CDH13: variants seen among roughly 807,000 people sequenced by gnomAD.
The protein encoded by CDH13 is cadherin 13.
CDH13 carries 24 observed loss-of-function variants against 63.8 expected under a neutral mutation model. That is an observed-to-expected ratio of 0.38 (90% CI 0.27 to 0.53). The LOEUF (loss-of-function observed/expected upper bound fraction) is 0.53. Among genes scored for constraint, CDH13 ranks in the 20% least tolerant of loss-of-function variants. CDH13 has a pLI of 0.85. For synonymous variants in CDH13, 503 were observed against 355.3 expected, an observed-to-expected ratio of 1.42 and a Z score of -4.67; for missense variants, 1,049 against 903.1, an observed-to-expected ratio of 1.16 and a Z score of -2.07.
intron 10 of CDH13, among the ~76,000 whole-genome samples, chr16:83,687,870 T>C (rs1034887246): frequency 6.6e-6 from 1 of 152,214 alleles, no homozygotes; most frequent in African/African-American, 2.4e-5. Context: ...GAACACAGAA[T>C]ATCTGAATCA....
rs145049348 is a variant in CDH13, at chr16:83,086,792, A to C, written c.367-38593A>C. 2.6e-3 allele frequency among the ~76,000 whole-genome samples: 399 copies of C among 152,338 alleles called. 1 individual carries two copies. The highest frequency in any genetic ancestry group is 3.7e-3 in the Non-Finnish European group (255 of 68,026). On this transcript the variant is annotated intron_variant, in intron 3 of 13. Coordinates refer to ENST00000567109, the MANE Select transcript of CDH13 (RefSeq NM_001257.5). ...ACAAGCAATGGCAAAAACTGGGCAC[A>C]GTAAAATTTGCTGGAGATAGGAAAT...
intron 1 of CDH13, among the ~76,000 whole-genome samples, chr16:82,819,670 A>G (rs543983607): frequency 3.3e-4 from 51 of 152,318 alleles, no homozygotes; most frequent in African/African-American, 1.2e-3. Flanking sequence ...CAGGGACTGG[A>G]GAGCACTCAA....
intron 2 of CDH13, among the ~76,000 whole-genome samples, chr16:83,010,936 T>C (rs528914782): frequency 3.0e-4 from 45 of 152,352 alleles, no homozygotes; most frequent in African/African-American, 1.1e-3. Context: ...TCAAACCAGA[T>C]GGCTCCTTCT....
At chr16:83,472,607 G>T (rs2073485261) in intron 6 of CDH13, among the ~76,000 whole-genome samples, 1 of 152,174 alleles carries the variant, frequency 6.6e-6, no homozygotes, top group South Asian at 2.1e-4. Context: ...TGGGGTGTGG[G>T]GAGCAGGTGC....
intron 10 of CDH13, among the ~76,000 whole-genome samples, chr16:83,746,042 T>C (rs918798183): frequency 6.6e-6 from 1 of 152,204 alleles, no homozygotes; most frequent in South Asian, 2.1e-4. Flanking sequence ...GCTGTTGGTT[T>C]GTGCCTCAGA....
intron 2 of CDH13, among the ~76,000 whole-genome samples, chr16:82,897,661 C>G (rs1274866055): frequency 1.3e-5 from 2 of 152,218 alleles, no homozygotes; most frequent in African/African-American, 4.8e-5. Context: ...CACTTAAAGC[C>G]CATACCCTTA....
At chr16:82,925,160 C>T (rs2042266112) in intron 2 of CDH13, among the ~76,000 whole-genome samples, 1 of 152,164 alleles carries the variant, frequency 6.6e-6, no homozygotes, top group Non-Finnish European at 1.5e-5. Context: ...CCCTGGCCCT[C>T]TGTCAGGGGC....
intron 5 of CDH13, among the ~76,000 whole-genome samples, chr16:83,251,204 T>C (rs972552858): frequency 1.3e-5 from 2 of 152,216 alleles, no homozygotes; most frequent in African/African-American, 2.4e-5. Context: ...AAAGGGTATA[T>C]AGGATCTCTG....
At chr16:83,498,662 C>T (rs1474294146) in intron 7 of CDH13, among the ~76,000 whole-genome samples, 2 of 152,172 alleles carry the variant, frequency 1.3e-5, no homozygotes, top group Non-Finnish European at 2.9e-5. Context: ...CCCCTATCAG[C>T]CCATCTCCAA....
chr16:83,733,104 A>G (rs1324417740), intron 10 of CDH13, among the ~76,000 whole-genome samples: 2 of 152,192 alleles, frequency 1.3e-5, no homozygotes, highest in African/African-American at 2.4e-5. Flanking sequence ...CCCAGTCCCT[A>G]ACAGAATACT....
At chr16:83,331,212 A>G (rs138798799) in intron 5 of CDH13, among the ~76,000 whole-genome samples, 64 of 152,318 alleles carry the variant, frequency 4.2e-4, no homozygotes, top group Non-Finnish European at 7.9e-4. Context: ...CTCAGAATTT[A>G]TGTGTGAGAT....
chr16:82,889,240 A>G (rs1318911668), intron 2 of CDH13, among the ~76,000 whole-genome samples: 1 of 152,150 alleles, frequency 6.6e-6, no homozygotes. Context: ...ATTGGTTTTT[A>G]CATGAAGTTA....
chr16:83,091,232 T>C (rs895120026), intron 3 of CDH13, among the ~76,000 whole-genome samples: 1 of 152,024 alleles, frequency 6.6e-6, no homozygotes. Flanking sequence ...CCTCTTTGCT[T>C]TTCCCCCTAC....
intron 1 of CDH13, among the ~76,000 whole-genome samples, chr16:82,844,214 G>A (rs57376673): frequency 4.2e-4 from 64 of 152,262 alleles, no homozygotes; most frequent in African/African-American, 1.5e-3. Context: ...AGAAAAACAG[G>A]TGAGAAGAGG....
At chr16:83,672,124 A>T (rs1188023292) in intron 9 of CDH13, among the ~76,000 whole-genome samples, 2 of 152,200 alleles carry the variant, frequency 1.3e-5, no homozygotes, top group Non-Finnish European at 2.9e-5. Flanking sequence ...CAAGACACCC[A>T]TGTTTTCTGT....
intron 3 of CDH13, among the ~76,000 whole-genome samples, chr16:83,102,090 G>T (rs28459708): frequency 6.6e-6 from 1 of 152,258 alleles, no homozygotes; most frequent in Non-Finnish European, 1.5e-5. Context: ...AAGATGCTAC[G>T]CTCCTGGCTT....
intron 6 of CDH13, among the ~76,000 whole-genome samples, chr16:83,413,459 A>G (rs1382415262): frequency 6.6e-6 from 1 of 152,172 alleles, no homozygotes; most frequent in Non-Finnish European, 1.5e-5. Flanking sequence ...GCAACTAATC[A>G]TCCCTTTGCT....
At chr16:83,530,852 C>G (rs563648052) in intron 7 of CDH13, among the ~76,000 whole-genome samples, 2 of 152,280 alleles carry the variant, frequency 1.3e-5, no homozygotes, top group East Asian at 3.9e-4. Flanking sequence ...AGAGAGGAAC[C>G]CATCAGGCAG....
intron 4 of CDH13, among the ~76,000 whole-genome samples, chr16:83,145,056 AG>A (rs2036690580): frequency 7.2e-6 from 1 of 138,662 alleles, no homozygotes; most frequent in African/African-American, 3.0e-5. Context: ...TGCAGACACA[AG>A]TACGGGGACA....
Sources: gnomAD v4.1 joint callset for allele counts (sites outside exome capture counted in the v4.1 genomes callset) on GRCh38, gnomAD v4.1.1 for gene constraint, MANE v1.5 for transcripts, NCBI Gene and HGNC (gene_info 2026-07-23, HGNC 2026-07-21) for gene names.